The following FAM135B variants were observed in gnomAD, a reference collection of about 807,000 sequenced individuals.
FAM135B encodes the protein family with sequence similarity 135 member B.
A neutral mutation model predicts 127.7 loss-of-function variants in FAM135B; 43 were observed. The ratio of observed to expected loss-of-function variants is 0.34; its 90% CI spans 0.26 to 0.43. The LOEUF (loss-of-function observed/expected upper bound fraction) is 0.43. Among genes scored for constraint, FAM135B ranks in the 20% least tolerant of loss-of-function variants. The pLI is 1.00. For missense variants in FAM135B, 1,558 were observed against 1,725.6 expected (o/e 0.90, Z 1.72); for synonymous variants, 670 against 665.1 (o/e 1.01, Z -0.11).
At chr8:138,362,283 CTTTT>C (rs34005300) in intron 2 of FAM135B, among the ~76,000 whole-genome samples, 6 of 99,198 alleles carry the variant, frequency 6.0e-5, no homozygotes, top group African/African-American at 2.2e-4. Flanking sequence ...ACCCCCATAT[CTTTT>C]TTTTTTTTTT....
chr8:138,162,481 A>C (rs1489881584), intron 12 of FAM135B, among the ~76,000 whole-genome samples: 1 of 152,230 alleles, frequency 6.6e-6, no homozygotes, highest in Non-Finnish European at 1.5e-5. Context: ...GTAGAGGTTC[A>C]TCTGCTGTAA....
intron 1 of FAM135B, among the ~76,000 whole-genome samples, chr8:138,388,577 A>G (rs2131315340): frequency 6.6e-6 from 1 of 152,328 alleles, no homozygotes; most frequent in Non-Finnish European, 1.5e-5. Context: ...TAAATGAGCT[A>G]TCAAGCCATG....
intron 3 of FAM135B, among the ~76,000 whole-genome samples, chr8:138,276,617 T>G (rs1168291889): frequency 6.6e-6 from 1 of 152,052 alleles, no homozygotes; most frequent in East Asian, 1.9e-4. Flanking sequence ...CCCTCCAAGT[T>G]CTGAGGCACC....
intron 19 of FAM135B, among the ~76,000 whole-genome samples, chr8:138,133,887 C>A (rs914418389): frequency 1.3e-5 from 2 of 152,048 alleles, no homozygotes; most frequent in Non-Finnish European, 2.9e-5. Flanking sequence ...TTTTCCCCCC[C>A]TTCTTAGGGT....
chr8:138,231,495 G>C (rs1040764341), intron 7 of FAM135B, among the ~76,000 whole-genome samples: 1 of 152,092 alleles, frequency 6.6e-6, no homozygotes, highest in African/African-American at 2.4e-5. Context: ...GCAAAAAAGA[G>C]CAAACACTAA....
intron 12 of FAM135B, among the ~76,000 whole-genome samples, chr8:138,154,653 G>C (rs1337723214): frequency 6.6e-6 from 1 of 152,080 alleles, no homozygotes; most frequent in Non-Finnish European, 1.5e-5. Context: ...ACATGCACAA[G>C]CTTGAGTAGC....
intron 1 of FAM135B, among the ~76,000 whole-genome samples, chr8:138,392,517 G>A (rs572772610): frequency 1.1e-4 from 16 of 152,100 alleles, no homozygotes; most frequent in Non-Finnish European, 2.4e-4. Context: ...CAATCAACCT[G>A]TCCACCTCTC....
chr8:138,380,284 G>A (rs151312623), intron 1 of FAM135B, among the ~76,000 whole-genome samples: 38 of 151,994 alleles, frequency 2.5e-4, no homozygotes, highest in African/African-American at 8.9e-4. Context: ...AGCAACCTCC[G>A]CCTCCTGGGC....
chr8:138,205,334 C>T (rs1169565060), intron 7 of FAM135B, among the ~76,000 whole-genome samples: 2 of 152,092 alleles, frequency 1.3e-5, no homozygotes, highest in East Asian at 1.9e-4. Flanking sequence ...TGCTGGAAGC[C>T]CCCAGACTTT....
chr8:138,343,057 C>A (rs369894118), intron 2 of FAM135B, among the ~76,000 whole-genome samples: 3 of 152,206 alleles, frequency 2.0e-5, no homozygotes, highest in African/African-American at 7.2e-5. Context: ...AATACGCATT[C>A]ATTTATTTAT....
chr8:138,163,525 C>T (rs1454495951), intron 12 of FAM135B, among the ~76,000 whole-genome samples: 1 of 152,052 alleles, frequency 6.6e-6, no homozygotes, highest in Non-Finnish European at 1.5e-5. Flanking sequence ...GGCAGTTTCC[C>T]CCATCTGTTC....
chr8:138,142,389 T>C (rs1174162107), intron 16 of FAM135B, among the ~76,000 whole-genome samples: 2 of 140,400 alleles, frequency 1.4e-5, no homozygotes, highest in African/African-American at 2.6e-5. Context: ...CTGCAAGCTC[T>C]GCCTCCCAGG....
intron 1 of FAM135B, among the ~76,000 whole-genome samples, chr8:138,481,502 T>C (rs1418711851): frequency 6.6e-6 from 1 of 152,234 alleles, no homozygotes; most frequent in Non-Finnish European, 1.5e-5. Flanking sequence ...CTAACGCCAG[T>C]GGAGCAGGCT....
chr8:138,238,266 C>T (rs1820456979), intron 7 of FAM135B, among the ~76,000 whole-genome samples: 1 of 152,170 alleles, frequency 6.6e-6, no homozygotes, highest in Non-Finnish European at 1.5e-5. Flanking sequence ...ATGTTTGTGT[C>T]AGGCTGTATG....
At chr8:138,283,494 T>C (rs764924304) in intron 3 of FAM135B, among the ~76,000 whole-genome samples, 15 of 152,110 alleles carry the variant, frequency 9.9e-5, no homozygotes, top group Non-Finnish European at 1.6e-4. Flanking sequence ...AGAGGATTTT[T>C]AGGGCAGTGA....
intron 7 of FAM135B, among the ~76,000 whole-genome samples, chr8:138,240,924 A>G (rs371482885): frequency 6.6e-6 from 1 of 152,174 alleles, no homozygotes; most frequent in East Asian, 1.9e-4. Flanking sequence ...GCCCCAGGCC[A>G]CATTCCCTGG....
At chr8:138,367,495 C>T (rs1343832344) in intron 2 of FAM135B, 1 of 457,042 alleles carries the variant, frequency 2.2e-6, no homozygotes, top group East Asian at 6.8e-5. Context: ...AAGATCTAGG[C>T]ACAAGTGTTA....
At chr8:138,193,650 C>T (rs1049182166) in intron 9 of FAM135B, among the ~76,000 whole-genome samples, 4 of 152,294 alleles carry the variant, frequency 2.6e-5, no homozygotes, top group East Asian at 3.9e-4. Flanking sequence ...TACGTGGCTC[C>T]GGCCAGGCCC....
rs2130751224 is a variant in FAM135B, at chr8:138,151,984, C to T, written c.2491G>A (p.Glu831Lys). ...TGGTTGTCAGCATCTAAAACTATCT[C>T]CACCAGGGGATGGTCTGCTCCAGCA... ...TDAGADHPLVEIVLDADNQQG... is the reference protein window; with the variant it reads ...TDAGADHPLVKIVLDADNQQG... The change falls in exon 13 of 20, where the codon GAG becomes AAG. Residue 831 changes from glutamate (E) to lysine (K), a missense_variant. By Grantham distance (56) the Glu-to-Lys change is moderately conservative. Transcript: ENST00000395297. 6.2e-7 allele frequency: 1 copy of T among 1,614,090 alleles called. No individual in the cohort carries two copies. Among genetic ancestry groups the T allele is most frequent in the Non-Finnish European group, 8.5e-7 (1 of 1,180,008 alleles).
Sources: gnomAD v4.1 joint callset for allele counts (sites outside exome capture counted in the v4.1 genomes callset) on GRCh38, gnomAD v4.1.1 for gene constraint, MANE v1.5 for transcripts, NCBI Gene and HGNC (gene_info 2026-07-23, HGNC 2026-07-21) for gene names.